Variants in HIP1 observed in about 807,000 individuals in gnomAD.
HIP1 encodes the protein huntingtin interacting protein 1, also known as huntingtin-interacting protein 1.
HIP1 carries 65 observed loss-of-function variants against 147.6 expected under a neutral mutation model. The observed-to-expected ratio is 0.44, with a 90% CI of 0.36 to 0.54. HIP1 has a LOEUF of 0.54. Among genes scored for constraint, HIP1 ranks in the 20% least tolerant of loss-of-function variants. HIP1 has a pLI of 0.00. For synonymous variants in HIP1, 479 were observed against 504.0 expected (o/e 0.95, Z 0.67); for missense variants, 1,061 against 1,299.6 (o/e 0.82, Z 2.82).
intron 1 of HIP1, among the ~76,000 whole-genome samples, chr7:75,706,215 A>G (rs565152441): frequency 2.0e-5 from 3 of 152,190 alleles, no homozygotes; most frequent in Admixed American, 2.0e-4. Context: ...ATTTTGAGGA[A>G]CCACCTGACT....
intron 1 of HIP1, among the ~76,000 whole-genome samples, chr7:75,732,513 G>A (rs1801869808): frequency 6.6e-6 from 1 of 152,050 alleles, no homozygotes; most frequent in Non-Finnish European, 1.5e-5. Flanking sequence ...TGGGACTACA[G>A]GCAGCACCAC....
Position 75,556,881 on chromosome 7 carries a change from C to T in HIP1, c.1582-70G>A, listed in dbSNP as rs1443818755. 6 of 938,200 alleles carry T rather than the reference C, an allele frequency of 6.4e-6. No homozygotes were observed. In the East Asian group the frequency reaches 7.2e-5, roughly 11 times the overall value. The allele number at this position is 938,200 out of a possible 1,614,324, so 58.1% of individuals were successfully genotyped here. The stretch of plus-strand genomic sequence containing the variant: ...GACAAAGAATATAAAAATGTAAAAA[C>T]GTCCCAAGCGATCAACAAGAGATCT... On this transcript the variant is annotated intron_variant, in intron 16 of 30. Coordinates refer to ENST00000336926, the MANE Select transcript of HIP1 (RefSeq NM_005338.7).
chr7:75,705,349 C>T (rs1800952714), intron 1 of HIP1, among the ~76,000 whole-genome samples: 1 of 151,872 alleles, frequency 6.6e-6, no homozygotes, highest in Non-Finnish European at 1.5e-5. Flanking sequence ...CATGTAACAG[C>T]AGGATCTCTA....
intron 1 of HIP1, among the ~76,000 whole-genome samples, chr7:75,679,625 C>G (rs1439064210): frequency 2.6e-5 from 4 of 152,138 alleles, no homozygotes; most frequent in Non-Finnish European, 5.9e-5. Context: ...ACTCCCTTCC[C>G]TTGACCTCCA....
intron 1 of HIP1, among the ~76,000 whole-genome samples, chr7:75,645,557 A>G (rs1563266538): frequency 6.6e-6 from 1 of 152,170 alleles, no homozygotes; most frequent in Non-Finnish European, 1.5e-5. Flanking sequence ...TAAAAACAGA[A>G]CTACCATTTG....
intron 9 of HIP1, among the ~76,000 whole-genome samples, chr7:75,567,435 C>T (rs1554495753): frequency 6.6e-6 from 1 of 151,338 alleles, no homozygotes; most frequent in Non-Finnish European, 1.5e-5. Flanking sequence ...TATTAGATAA[C>T]CAATAGTTAC....
At position 75,632,090 on chromosome 7, in the gene HIP1, C is replaced by T. The variant is rs782429581; in HGVS notation, c.121-32843G>A. Among the ~76,000 whole-genome samples the T allele has an allele frequency of 3.3e-5, 5 of 152,118 alleles. No homozygotes were observed. In the South Asian group the frequency reaches 8.3e-4, roughly 25 times the overall value. Reference sequence around the variant, plus strand: ...GACACTAAATCCTGCTTCACAAGGCCGCTGTGAGGAAGAAAATAATCCAGG... The same window carrying T: ...GACACTAAATCCTGCTTCACAAGGCTGCTGTGAGGAAGAAAATAATCCAGG... On this transcript the variant is annotated intron_variant, in intron 1 of 30. Coordinates refer to ENST00000336926, the MANE Select transcript of HIP1 (RefSeq NM_005338.7).
rs781878558 is a variant in HIP1 at position 75,556,123 on chromosome 7, C to T, written c.1730G>A (p.Arg577Gln). 3 of 1,614,154 alleles carry T rather than the reference C, an allele frequency of 1.9e-6. No individual in the cohort carries two copies. The highest frequency in any genetic ancestry group is 1.7e-6 in the Non-Finnish European group (2 of 1,180,034). The change falls in exon 18 of 31, where the codon CGG becomes CAG. Residue 577 changes from arginine (R) to glutamine (Q), a missense_variant. By Grantham distance (43) the Arg-to-Gln change is conservative. Around this residue, in one of 3 missense-constraint regions of HIP1, gnomAD observed 810 missense variants for 946.8 expected, o/e 0.86. Transcript: ENST00000336926. ...AAEFAELEKE[R>Q]DSLVSGAAHR... ...AGCTGCGCCACTCACCAGGCTGTCC[C>T]GCTCCTTCTCTAGCTCGGCGAACTC...
intron 1 of HIP1, among the ~76,000 whole-genome samples, chr7:75,722,390 C>A (rs1386327019): frequency 6.6e-6 from 1 of 152,182 alleles, no homozygotes; most frequent in African/African-American, 2.4e-5. Flanking sequence ...ACAATCTCAT[C>A]CAACACCCCT....
At chr7:75,648,151 G>A (rs1403183693) in intron 1 of HIP1, among the ~76,000 whole-genome samples, 2 of 152,234 alleles carry the variant, frequency 1.3e-5, no homozygotes, top group Admixed American at 6.5e-5. Context: ...GGGGTAGCTG[G>A]GGCTGGTTGG....
intron 1 of HIP1, among the ~76,000 whole-genome samples, chr7:75,653,386 C>CTT (rs1799051784): frequency 2.6e-5 from 4 of 152,120 alleles, no homozygotes; most frequent in Admixed American, 2.6e-4. Flanking sequence ...GGCATGGTGG[C>CTT]TTATACCTGT....
intron 19 of HIP1, 22 bp downstream of exon 19, chr7:75,555,394 A>G (rs1383551824): frequency 6.2e-7 from 1 of 1,612,586 alleles, no homozygotes; most frequent in African/African-American, 1.3e-5. Context: ...GGCCCCTGCC[A>G]GCTGGGCAAT....
intron 1 of HIP1, among the ~76,000 whole-genome samples, chr7:75,619,066 T>C (rs183081864): frequency 3.2e-4 from 49 of 152,208 alleles, no homozygotes; most frequent in Admixed American, 1.4e-3. Flanking sequence ...CGGGATATCA[T>C]CTGAGAATCC....
intron 22 of HIP1, among the ~76,000 whole-genome samples, chr7:75,551,821 T>C (rs1304850971): frequency 6.6e-6 from 1 of 151,944 alleles, no homozygotes; most frequent in African/African-American, 2.4e-5. Context: ...CCACCCACCT[T>C]GGCTGGATGT....
chr7:75,648,176 G>T (rs1798863871), intron 1 of HIP1, among the ~76,000 whole-genome samples: 1 of 152,210 alleles, frequency 6.6e-6, no homozygotes, highest in Admixed American at 6.6e-5. Flanking sequence ...GCTGAGGCTG[G>T]TTGGAGTAGC....
intron 1 of HIP1, among the ~76,000 whole-genome samples, chr7:75,609,038 C>G (rs1323711629): frequency 6.6e-6 from 1 of 152,156 alleles, no homozygotes; most frequent in African/African-American, 2.4e-5. Context: ...CAGTATGAAT[C>G]CAGTGCAACT....
chr7:75,586,816 C>A lies in HIP1; in HGVS notation c.402G>T (p.Gly134=), dbSNP rs782307891. 6.2e-7 allele frequency: 1 copy of A among 1,612,760 alleles called. No individual in the cohort carries two copies. Among genetic ancestry groups the A allele is most frequent in the African/African-American group, 1.3e-5 (1 of 75,018 alleles). ...MSRMWGHLSE[G]YGQLCSIYLK... The stretch of plus-strand genomic sequence containing the variant: ...GGTAGATGCTGCACAGCTGGCCATA[C>A]CCCTCGCTCAGGTGGCCCTTTTAGG... The change falls in exon 5 of 31, where the codon GGG becomes GGT. Residue 134 remains glycine (G), a synonymous_variant. Transcript: ENST00000336926.
chr7:75,606,926 T>C (rs1797245564), intron 1 of HIP1, among the ~76,000 whole-genome samples: 1 of 152,084 alleles, frequency 6.6e-6, no homozygotes, highest in South Asian at 2.1e-4. Flanking sequence ...TGAGATCTCT[T>C]AGGCTTAGAA....
chr7:75,608,566 T>C (rs1797312440), intron 1 of HIP1, among the ~76,000 whole-genome samples: 1 of 152,142 alleles, frequency 6.6e-6, no homozygotes, highest in Admixed American at 6.6e-5. Context: ...GGACTTAAGA[T>C]CTGAAGAAAA....
Sources: allele counts gnomAD v4.1 joint callset (sites outside exome capture counted in the v4.1 genomes callset), GRCh38; gene constraint gnomAD v4.1.1; regional missense constraint gnomAD v4.1.1; transcripts MANE v1.5; gene names NCBI Gene and HGNC (gene_info 2026-07-23, HGNC 2026-07-21).